TUFT1: variants seen among roughly 807,000 people sequenced by gnomAD.
The protein encoded by TUFT1 is tuftelin 1, also known as tuftelin.
Under a neutral mutation model 57.8 loss-of-function variants are expected in TUFT1, and 43 were observed. The ratio of observed to expected loss-of-function variants is 0.74; its 90% CI spans 0.58 to 0.96. The LOEUF is 0.96. Ranked by LOEUF, TUFT1 falls within the 40% of genes least tolerant of loss-of-function variation. TUFT1 has a pLI of 0.00. For synonymous variants in TUFT1, 166 were observed against 176.7 expected, an observed-to-expected ratio of 0.94 and a Z score of 0.48; for missense variants, 459 against 489.0, an observed-to-expected ratio of 0.94 and a Z score of 0.58.
chr1:151,552,812 C>T (rs115502990), intron 1 of TUFT1, among the ~76,000 whole-genome samples: 5 of 148,438 alleles, frequency 3.4e-5, no homozygotes, highest in Admixed American at 6.8e-5. Context: ...CAGAGGAAAA[C>T]GTCCATTATT....
Position 151,569,735 on chromosome 1 carries a change from A to G in TUFT1, c.559A>G (p.Lys187Glu), listed in dbSNP as rs765106464. 1.2e-6 allele frequency: 2 copies of G among 1,614,078 alleles called. No homozygotes were observed. The highest frequency in any genetic ancestry group is 1.1e-5 in the South Asian group (1 of 91,066). The change falls in exon 7 of 13, where the codon AAG (lysine) becomes GAG (glutamate). Residue 187 changes from lysine (K) to glutamate (E), a missense_variant. Transcript: ENST00000368849. ...QDLLAKLQEA[K>E]RQHQSDCVAF... ...CTTGCTGGCCAAGCTTCAGGAGGCC[A>G]AGCGGCAACACCAGTCAGACTGTGT...
intron 10 of TUFT1, among the ~76,000 whole-genome samples, chr1:151,579,270 C>T (rs947141247): frequency 6.6e-6 from 1 of 152,192 alleles, no homozygotes; most frequent in Non-Finnish European, 1.5e-5. Flanking sequence ...GCTGTATGTG[C>T]TTCATGTCAG....
intron 2 of TUFT1, 121 bp from the exon 3 acceptor site, chr1:151,562,464 C>T: frequency 2.3e-6 from 2 of 883,760 alleles, no homozygotes; most frequent in Non-Finnish European, 3.5e-6. Flanking sequence ...TCAGACTAAT[C>T]CTTCAAGTCT....
At chr1:151,568,778 G>C (rs1271453508) in intron 6 of TUFT1, among the ~76,000 whole-genome samples, 4 of 152,140 alleles carry the variant, frequency 2.6e-5, no homozygotes, top group Admixed American at 2.6e-4. Flanking sequence ...ATATCTGTTT[G>C]GCCTCTTTCT....
At chr1:151,556,391 C>G (rs72997976) in intron 1 of TUFT1, among the ~76,000 whole-genome samples, 2,377 of 150,742 alleles carry the variant, frequency 0.016, 80 homozygotes, top group African/African-American at 0.055. Flanking sequence ...TCTCCTCCCC[C>G]TCCCCGTCTC....
intron 3 of TUFT1, 92 bp downstream of exon 3, chr1:151,562,778 C>A: frequency 8.8e-7 from 1 of 1,141,604 alleles, no homozygotes; most frequent in Non-Finnish European, 1.3e-6. Flanking sequence ...CCAAAGGGAG[C>A]TTGTGGTTTG....
At chr1:151,547,864 G>A (rs928304802) in intron 1 of TUFT1, among the ~76,000 whole-genome samples, 1 of 152,160 alleles carries the variant, frequency 6.6e-6, no homozygotes, top group Non-Finnish European at 1.5e-5. Flanking sequence ...CCTTTGTTAG[G>A]GCTCCAAGTA....
At chr1:151,554,695 C>CTTTTTTTT (rs771656418) in intron 1 of TUFT1, among the ~76,000 whole-genome samples, 3 of 85,650 alleles carry the variant, frequency 3.5e-5, no homozygotes, top group African/African-American at 5.1e-5. Flanking sequence ...GCCCGGCCCC[C>CTTTTTTTT]TTTTTTTTTT....
chr1:151,557,244 C>T, intron 1 of TUFT1, among the ~76,000 whole-genome samples: 1 of 152,128 alleles, frequency 6.6e-6, no homozygotes, highest in African/African-American at 2.4e-5. Flanking sequence ...AGAAACCTTT[C>T]CTTCCTTTAC....
chr1:151,561,872 A>G, intron 1 of TUFT1: 3 of 1,508,424 alleles, frequency 2.0e-6, no homozygotes, highest in Non-Finnish European at 2.7e-6. Flanking sequence ...CTTTGTTGTG[A>G]AAGAAAAAAC....
Position 151,540,374 on chromosome 1 carries a change from G to C in TUFT1, c.8G>C (p.Gly3Ala). The change falls in exon 1 of 13, where the codon GGG becomes GCG. Residue 3 changes from glycine (G) to alanine (A), a missense_variant. Physicochemically the swap from Gly to Ala is moderately conservative, Grantham distance 60. Transcript: ENST00000368849. MN[G>A]TRNWCTLVDV... is the part of the protein sequence containing the mutation. ...CTGCGACCCCGAGGGAAGATGAACG[G>C]GACGCGGAACTGGTGTACCCTGGTG... is the stretch of plus-strand genomic sequence containing the variant. 1 of 1,614,164 alleles carries C rather than the reference G, an allele frequency of 6.2e-7. No individual in the cohort carries two copies. Among genetic ancestry groups the C allele is most frequent in the Non-Finnish European group, 8.5e-7 (1 of 1,179,996 alleles).
At chr1:151,554,883 C>T (rs6666867) in intron 1 of TUFT1, among the ~76,000 whole-genome samples, 139,785 of 148,018 alleles carry the variant, frequency 0.94, 66,527 homozygotes, top group East Asian at 1. Flanking sequence ...TTTGTATTTT[C>T]AGTAGAGACA....
intron 1 of TUFT1, among the ~76,000 whole-genome samples, chr1:151,543,830 T>C (rs1400647832): frequency 6.6e-6 from 1 of 152,070 alleles, no homozygotes; most frequent in East Asian, 1.9e-4. Flanking sequence ...TGGAAGGAGA[T>C]TCTCCAAAGA....
chr1:151,543,327 A>ATATG lies in TUFT1; in HGVS notation c.60+2902_60+2903insATGT, dbSNP rs1553248138. 4.8e-5 allele frequency among the ~76,000 whole-genome samples: 7 copies of ATATG among 146,856 alleles called. No homozygotes were observed. In the East Asian group the frequency reaches 1.0e-3, roughly 21 times the overall value. On this transcript the variant is annotated intron_variant, in intron 1 of 12. Coordinates refer to ENST00000368849, the MANE Select transcript of TUFT1 (RefSeq NM_020127.3). ...GAACTTTTATTTCAGTTATATATAT[A>ATATG]TGTGTGTGTGTGTGTGTGTGTGTGT...
intron 1 of TUFT1, chr1:151,561,839 T>C: frequency 6.8e-7 from 1 of 1,466,188 alleles, no homozygotes; most frequent in Non-Finnish European, 9.1e-7. Flanking sequence ...GCTGGAGCTC[T>C]ACAGAGCCAT....
rs920851271 is a variant in TUFT1, at chr1:151,579,653, A to G, written c.929A>G (p.Gln310Arg). Residue 310 changes from glutamine (Q) to arginine (R), a missense_variant, in exon 11 of 13, where the codon CAG (glutamine) becomes CGG (arginine). By Grantham distance (43) the Gln-to-Arg change is conservative. Transcript: ENST00000368849. ...RKVRQMIEQL[Q>R]NSKAVIQSKD... ...GTGTCTCCCACACCTTTGCAGCTCC[A>G]GAATTCAAAAGCTGTGATCCAGTCA... is the stretch of plus-strand genomic sequence containing the variant. The G allele has an allele frequency of 2.5e-6, 4 of 1,613,900 alleles. No individual in the cohort carries two copies. Among genetic ancestry groups the G allele is most frequent in the Non-Finnish European group, 2.5e-6 (3 of 1,179,956 alleles).
chr1:151,562,742 A>G (rs1349447499), intron 3 of TUFT1, 56 bp downstream of exon 3: 3 of 1,453,106 alleles, frequency 2.1e-6, no homozygotes, highest in South Asian at 1.2e-5. Flanking sequence ...CTGCACGTAT[A>G]TGAGAAGGAG....
chr1:151,540,407 A>C lies in TUFT1; in HGVS notation c.41A>C (p.His14Pro), dbSNP rs1179266547. ...AACTGGTGTACCCTGGTGGACGTGC[A>C]CCCAGAGGACCAGGCGGCGGTAAGA... ...TRNWCTLVDV[H>P]PEDQAAGSVD... Residue 14 changes from histidine to proline, a missense_variant, in exon 1 of 13, where the codon CAC becomes CCC. Transcript: ENST00000368849. 6.2e-7 allele frequency: 1 copy of C among 1,614,158 alleles called. No homozygotes were observed.
At chr1:151,571,395 T>C (rs1666248758) in intron 7 of TUFT1, among the ~76,000 whole-genome samples, 2 of 150,698 alleles carry the variant, frequency 1.3e-5, no homozygotes, top group Non-Finnish European at 3.0e-5. Context: ...TGAGGGCACT[T>C]TATTATTCTG....
Sources: gnomAD v4.1 joint callset for allele counts (sites outside exome capture counted in the v4.1 genomes callset) on GRCh38, gnomAD v4.1.1 for gene constraint, MANE v1.5 for transcripts, NCBI Gene and HGNC (gene_info 2026-07-23, HGNC 2026-07-21) for gene names.